The following CNTNAP5 variants were observed in gnomAD, a reference collection of about 807,000 sequenced individuals.
CNTNAP5 encodes contactin-associated protein-like 5.
In CNTNAP5, 72 loss-of-function variants were observed where a neutral mutation model predicts 150.2. That is an observed-to-expected ratio of 0.48 (90% CI 0.40 to 0.58). The LOEUF (loss-of-function observed/expected upper bound fraction) is 0.58. Ranked by LOEUF, CNTNAP5 falls within the 20% of genes least tolerant of loss-of-function variation. CNTNAP5 has a pLI of 0.00. For synonymous variants in CNTNAP5, 672 were observed against 619.8 expected, an observed-to-expected ratio of 1.08 and a Z score of -1.25; for missense variants, 1,636 against 1,626.2, an observed-to-expected ratio of 1.01 and a Z score of -0.10.
At chr2:124,334,903 A>G (rs1689434508) in intron 3 of CNTNAP5, among the ~76,000 whole-genome samples, 1 of 152,106 alleles carries the variant, frequency 6.6e-6, no homozygotes, top group African/African-American at 2.4e-5. Flanking sequence ...CCGATGGTAC[A>G]TTTATTCCAA....
Position 124,504,685 on chromosome 2 carries a change from C to G in CNTNAP5, c.1327+129C>G, listed in dbSNP as rs570502024. Reference sequence around the variant, plus strand: ...TAGCCCAGTATTCACAAATGTACTCCAAGTCTGAAGAGGCAGCATTTTTTT... The same window carrying G: ...TAGCCCAGTATTCACAAATGTACTCGAAGTCTGAAGAGGCAGCATTTTTTT... On this transcript the variant is annotated intron_variant, in intron 8 of 23. Coordinates refer to ENST00000682447, the MANE Select transcript of CNTNAP5 (RefSeq NM_001367498.1). 1.5e-4 allele frequency: 120 copies of G among 783,644 alleles called. No homozygotes were observed. The East Asian group carries it at 2.3e-3, about 15-fold the overall frequency. 48.5% of individuals were successfully genotyped at this position (783,644 alleles called of 1,614,324 possible).
chr2:124,173,914 G>A (rs1684998259), intron 1 of CNTNAP5, among the ~76,000 whole-genome samples: 1 of 152,046 alleles, frequency 6.6e-6, no homozygotes, highest in South Asian at 2.1e-4. Flanking sequence ...TCTTTCTAGG[G>A]GTTCATGCCT....
chr2:124,222,579 C>T (rs1018548351), intron 2 of CNTNAP5, among the ~76,000 whole-genome samples: 1 of 151,890 alleles, frequency 6.6e-6, no homozygotes, highest in Non-Finnish European at 1.5e-5. Context: ...AGCGTGTATG[C>T]AATTTAAAGA....
intron 12 of CNTNAP5, among the ~76,000 whole-genome samples, chr2:124,630,622 G>A (rs2105008748): frequency 6.6e-6 from 1 of 152,256 alleles, no homozygotes; most frequent in Middle Eastern, 3.4e-3. Context: ...ACATCATACT[G>A]AATGGACAAA....
intron 7 of CNTNAP5, among the ~76,000 whole-genome samples, chr2:124,490,589 A>G (rs948795599): frequency 6.6e-6 from 1 of 152,054 alleles, no homozygotes; most frequent in Non-Finnish European, 1.5e-5. Context: ...AATTGGCAAA[A>G]CTATCATTAC....
Position 124,242,334 on chromosome 2 carries a change from C to T in CNTNAP5, c.322C>T (p.Leu108=). The change falls in exon 3 of 24, where the codon CTG becomes TTG. Residue 108 remains leucine (L), a synonymous_variant. Coordinates refer to ENST00000682447, the MANE Select transcript of CNTNAP5 (RefSeq NM_001367498.1). ...CTCTGACTGGGTGACGAGTTACAGC[C>T]TGATGTTCAGTGACACAGGACGCAA... ...GSSDWVTSYS[L]MFSDTGRNWK... 1 of 1,613,402 alleles carries T rather than the reference C, an allele frequency of 6.2e-7. No homozygotes were observed. The highest frequency in any genetic ancestry group is 8.5e-7 in the Non-Finnish European group (1 of 1,179,716).
intron 13 of CNTNAP5, among the ~76,000 whole-genome samples, chr2:124,736,728 A>G (rs909559840): frequency 6.6e-6 from 1 of 152,202 alleles, no homozygotes; most frequent in African/African-American, 2.4e-5. Flanking sequence ...AGCTAAAGGC[A>G]TCATAATCAT....
At chr2:124,718,962 G>A (rs963378754) in intron 13 of CNTNAP5, among the ~76,000 whole-genome samples, 6 of 151,252 alleles carry the variant, frequency 4.0e-5, no homozygotes, top group Middle Eastern at 3.4e-3. Context: ...AAAAAAGAAC[G>A]GGAAATAAGA....
chr2:124,464,883 A>G (rs959343247), intron 6 of CNTNAP5, among the ~76,000 whole-genome samples: 2 of 152,190 alleles, frequency 1.3e-5, no homozygotes, highest in African/African-American at 4.8e-5. Context: ...TTAAAAGATG[A>G]AAAAGAAGAC....
intron 3 of CNTNAP5, among the ~76,000 whole-genome samples, chr2:124,355,926 G>C (rs958577524): frequency 6.6e-6 from 1 of 152,148 alleles, no homozygotes; most frequent in African/African-American, 2.4e-5. Flanking sequence ...TAGAGGCAAT[G>C]CTAAGATGTT....
intron 2 of CNTNAP5, among the ~76,000 whole-genome samples, chr2:124,226,607 A>C (rs775265011): frequency 6.6e-6 from 1 of 151,746 alleles, no homozygotes; most frequent in Non-Finnish European, 1.5e-5. Context: ...TTTTAGTTTG[A>C]TATAGTCCCA....
intron 12 of CNTNAP5, among the ~76,000 whole-genome samples, chr2:124,615,311 C>G (rs574337072): frequency 6.6e-6 from 1 of 152,308 alleles, no homozygotes; most frequent in African/African-American, 2.4e-5. Context: ...GTCAATCATT[C>G]CAAATTCTGC....
At chr2:124,769,744 G>A (rs1681150459) in intron 16 of CNTNAP5, among the ~76,000 whole-genome samples, 1 of 152,112 alleles carries the variant, frequency 6.6e-6, no homozygotes, top group Admixed American at 6.5e-5. Context: ...TTTTATCGCA[G>A]GAATAATAAT....
Position 124,169,498 on chromosome 2 carries a change from G to A in CNTNAP5, c.83-52207G>A, listed in dbSNP as rs564716945. Among the ~76,000 whole-genome samples, 17 of 152,258 alleles carry A rather than the reference G, an allele frequency of 1.1e-4. No homozygotes were observed. In the South Asian group the frequency reaches 2.3e-3, roughly 20 times the overall value. ...GGCTCTTGAGTTATGAATAGAAACC[G>A]CAAAGACTTGACATTTATTGTGAAC... On this transcript the variant is annotated intron_variant, in intron 1 of 23. Coordinates refer to ENST00000682447, the MANE Select transcript of CNTNAP5 (RefSeq NM_001367498.1).
At chr2:124,528,044 C>G (rs1276239071) in intron 10 of CNTNAP5, among the ~76,000 whole-genome samples, 14 of 152,172 alleles carry the variant, frequency 9.2e-5, no homozygotes, top group Admixed American at 9.2e-4. Context: ...TGCAAAGACA[C>G]ACTGCAGAAA....
At chr2:124,062,147 A>G (rs2104654583) in intron 1 of CNTNAP5, among the ~76,000 whole-genome samples, 1 of 152,246 alleles carries the variant, frequency 6.6e-6, no homozygotes, top group Non-Finnish European at 1.5e-5. Flanking sequence ...TTGTTTGTTT[A>G]GCACCTCTAA....
At chr2:124,275,990 T>A (rs1392921296) in intron 3 of CNTNAP5, among the ~76,000 whole-genome samples, 1 of 151,388 alleles carries the variant, frequency 6.6e-6, no homozygotes, top group Non-Finnish European at 1.5e-5. Flanking sequence ...AGTGAAAGGG[T>A]TTTTTGTTGT....
intron 3 of CNTNAP5, among the ~76,000 whole-genome samples, chr2:124,340,809 G>GTATATATA (rs138288829): frequency 1.3e-3 from 183 of 142,962 alleles, no homozygotes; most frequent in African/African-American, 2.6e-3. Flanking sequence ...ATGTATACAT[G>GTATATATA]TATATATATA....
At chr2:124,377,120 C>T (rs558585166) in intron 3 of CNTNAP5, among the ~76,000 whole-genome samples, 4 of 152,046 alleles carry the variant, frequency 2.6e-5, no homozygotes, top group African/African-American at 9.7e-5. Flanking sequence ...GTTCCTCTCA[C>T]GTAGTTACCA....
Sources: gnomAD v4.1 joint callset for allele counts (sites outside exome capture counted in the v4.1 genomes callset) on GRCh38, gnomAD v4.1.1 for gene constraint, MANE v1.5 for transcripts, NCBI Gene and HGNC (gene_info 2026-07-23, HGNC 2026-07-21) for gene names.